The following PPARGC1A variants were observed in gnomAD, a reference collection of about 807,000 sequenced individuals.
PPARGC1A encodes PPARG coactivator 1 alpha, also known as peroxisome proliferator-activated receptor gamma coactivator 1-alpha.
A neutral mutation model predicts 88.7 loss-of-function variants in PPARGC1A; 25 were observed. The observed-to-expected ratio is 0.28, with a 90% confidence interval of 0.21 to 0.39. The LOEUF (loss-of-function observed/expected upper bound fraction) is 0.39, where lower values mean the gene tolerates loss of function less well. PPARGC1A is among the 10% of genes least tolerant of loss of function. The probability of loss-of-function intolerance (pLI) is 1.00; values close to 1 mark genes in which losing one functional copy is unlikely to be tolerated. For synonymous variants in PPARGC1A, 363 were observed against 355.6 expected, an observed-to-expected ratio of 1.02 and a Z score of -0.24; for missense variants, 880 against 968.7, an observed-to-expected ratio of 0.91 and a Z score of 1.22.
chr4:24,051,446 A>G, the PPARGC1A span, among the ~76,000 whole-genome samples: 3 of 152,192 alleles, frequency 2.0e-5, no homozygotes, highest in Admixed American at 2.0e-4. Context: ...TCTTTACACT[A>G]AAGGCTTTAT....
the PPARGC1A span, among the ~76,000 whole-genome samples, chr4:23,910,312 A>AATATTATATATATTATATATTATAT: frequency 2.1e-5 from 1 of 47,480 alleles, no homozygotes; most frequent in Non-Finnish European, 3.3e-5. Flanking sequence ...CCCTATATAT[A>AATATTATATATATTATATATTATAT]ATATTATATA....
At chr4:24,128,343 A>G in the PPARGC1A span, among the ~76,000 whole-genome samples, 2 of 152,212 alleles carry the variant, frequency 1.3e-5, no homozygotes, top group African/African-American at 4.8e-5. Flanking sequence ...GAATTGATGT[A>G]TATCTATAAA....
At chr4:24,255,240 G>A in the PPARGC1A span, among the ~76,000 whole-genome samples, 13 of 152,252 alleles carry the variant, frequency 8.5e-5, no homozygotes, top group Admixed American at 5.9e-4. Context: ...TCATGTATCA[G>A]ACTGTAAAAC....
the PPARGC1A span, among the ~76,000 whole-genome samples, chr4:24,417,291 A>T: frequency 1.3e-5 from 2 of 152,196 alleles, no homozygotes; most frequent in African/African-American, 4.8e-5. Context: ...CTTAAACTTG[A>T]CTTTTCTTTT....
At chr4:24,293,379 C>T in the PPARGC1A span, among the ~76,000 whole-genome samples, 4 of 7,242 alleles carry the variant, frequency 5.5e-4, no homozygotes, top group African/African-American at 5.0e-3. Flanking sequence ...CTCCTACCCC[C>T]TCACCACCCC....
the PPARGC1A span, among the ~76,000 whole-genome samples, chr4:24,119,577 G>A: frequency 6.6e-6 from 1 of 152,124 alleles, no homozygotes; most frequent in African/African-American, 2.4e-5. Context: ...CTGAAGGCCT[G>A]CCCAGTGTTA....
At chr4:24,458,978 C>T in the PPARGC1A span, among the ~76,000 whole-genome samples, 1 of 151,810 alleles carries the variant, frequency 6.6e-6, no homozygotes, top group Non-Finnish European at 1.5e-5. Context: ...GGTATTTAGA[C>T]GATGTATGGT....
chr4:24,444,913 C>T, the PPARGC1A span, among the ~76,000 whole-genome samples: 5 of 152,036 alleles, frequency 3.3e-5, no homozygotes, highest in Admixed American at 6.5e-5. Context: ...ATTAGCTGGA[C>T]GTGGTGGCGC....
At chr4:24,124,432 A>G in the PPARGC1A span, among the ~76,000 whole-genome samples, 2 of 152,208 alleles carry the variant, frequency 1.3e-5, no homozygotes, top group Admixed American at 1.3e-4. Context: ...CTCATCATAC[A>G]TTTTTAAAGT....
the PPARGC1A span, among the ~76,000 whole-genome samples, chr4:24,232,198 G>C: frequency 7.2e-6 from 1 of 139,386 alleles, no homozygotes; most frequent in Admixed American, 7.7e-5. Context: ...GGACAGGAAG[G>C]ATTGAAAAAA....
chr4:24,048,910 T>C, the PPARGC1A span, among the ~76,000 whole-genome samples: 71 of 152,166 alleles, frequency 4.7e-4, no homozygotes, highest in Non-Finnish European at 9.6e-4. Context: ...AGTCAACATA[T>C]GGCATTTCTG....
the PPARGC1A span, among the ~76,000 whole-genome samples, chr4:23,952,767 G>A: frequency 2.6e-5 from 4 of 151,980 alleles, no homozygotes; most frequent in Admixed American, 1.3e-4. Context: ...TTAGTTTCAC[G>A]CCAAGTCTCC....
At chr4:24,162,363 G>A in the PPARGC1A span, among the ~76,000 whole-genome samples, 1 of 151,870 alleles carries the variant, frequency 6.6e-6, no homozygotes, top group Non-Finnish European at 1.5e-5. Context: ...ATAACCTATG[G>A]AAATAAAAAT....
At chr4:24,160,274 A>G in the PPARGC1A span, among the ~76,000 whole-genome samples, 3 of 152,352 alleles carry the variant, frequency 2.0e-5, no homozygotes, top group Admixed American at 6.5e-5. Flanking sequence ...TGAACAAAAC[A>G]GATAAAAAGC....
the PPARGC1A span, among the ~76,000 whole-genome samples, chr4:24,300,326 T>A: frequency 5.3e-5 from 1 of 18,980 alleles, no homozygotes. Flanking sequence ...ACAATAGCAT[T>A]TTTTTTTTTT....
At chr4:24,117,370 C>T in the PPARGC1A span, among the ~76,000 whole-genome samples, 27 of 152,078 alleles carry the variant, frequency 1.8e-4, 1 homozygote, top group Admixed American at 1.6e-3. Flanking sequence ...AGGACAAGGC[C>T]GAGAACAAAC....
chr4:24,257,499 T>C, the PPARGC1A span, among the ~76,000 whole-genome samples: 1 of 152,286 alleles, frequency 6.6e-6, no homozygotes, highest in Non-Finnish European at 1.5e-5. Flanking sequence ...AATAAAAAGA[T>C]GCACCAATTC....
chr4:24,067,485 G>A, the PPARGC1A span, among the ~76,000 whole-genome samples: 14 of 152,234 alleles, frequency 9.2e-5, no homozygotes, highest in Middle Eastern at 6.8e-3. Flanking sequence ...GTATCATTCC[G>A]CGTATGCTCA....
At chr4:24,128,038 A>G in the PPARGC1A span, among the ~76,000 whole-genome samples, 1 of 152,172 alleles carries the variant, frequency 6.6e-6, no homozygotes. Flanking sequence ...ATGCATCTGC[A>G]CACCATATGG....
Sources: gnomAD v4.1 joint callset for allele counts (sites outside exome capture counted in the v4.1 genomes callset) on GRCh38, gnomAD v4.1.1 for gene constraint, MANE v1.5 for transcripts, NCBI Gene and HGNC (gene_info 2026-07-23, HGNC 2026-07-21) for gene names.